Variants in CRKL observed in about 807,000 individuals in gnomAD.
CRKL encodes CRK like proto-oncogene, adaptor protein.
CRKL carries 3 observed loss-of-function variants against 23.0 expected under a neutral mutation model. The observed-to-expected ratio is 0.13, with a 90% CI of 0.06 to 0.34. The LOEUF is 0.34. CRKL is among the 10% of genes least tolerant of loss of function. The pLI is 1.00. For missense variants in CRKL, 256 were observed against 394.5 expected (o/e 0.65, Z 2.97); for synonymous variants, 188 against 160.7 (o/e 1.17, Z -1.28).
At chr22:20,922,556 G>A (rs1017912057) in intron 1 of CRKL, among the ~76,000 whole-genome samples, 2 of 152,148 alleles carry the variant, frequency 1.3e-5, no homozygotes, top group African/African-American at 2.4e-5. Flanking sequence ...TGATTTGCTG[G>A]TGGGTGGGGA....
rs555786588 is a variant in CRKL at position 20,920,443 on chromosome 22, A to C, written c.311+2198A>C. ...CTCGAACCCGGGAGGCGGAGGTTGC[A>C]GTGAGCCGAGATCGCGCCACTGCAC... is the stretch of plus-strand genomic sequence containing the variant. On this transcript the variant is annotated intron_variant, in intron 1 of 2. Transcript: ENST00000354336. Among the ~76,000 whole-genome samples, 11 of 151,998 alleles carry C rather than the reference A, an allele frequency of 7.2e-5. No homozygotes were observed. In the East Asian group the frequency reaches 2.1e-3, roughly 29 times the overall value.
intron 2 of CRKL, among the ~76,000 whole-genome samples, chr22:20,934,563 G>C (rs1472566780): frequency 6.6e-6 from 1 of 151,866 alleles, no homozygotes; most frequent in Non-Finnish European, 1.5e-5. Context: ...AGCTTGTTTT[G>C]TTCTGTCCTA....
At chr22:20,932,742 A>C (rs557619024) in intron 1 of CRKL, among the ~76,000 whole-genome samples, 3 of 152,210 alleles carry the variant, frequency 2.0e-5, no homozygotes, top group Non-Finnish European at 2.9e-5. Context: ...GACTACAAAA[A>C]TTACAACATG....
At chr22:20,926,696 AAG>A (rs1360418568) in intron 1 of CRKL, among the ~76,000 whole-genome samples, 2 of 152,062 alleles carry the variant, frequency 1.3e-5, no homozygotes, top group African/African-American at 2.4e-5. Flanking sequence ...TAAGTAGAGA[AAG>A]AGAAGCTGCG....
intron 1 of CRKL, among the ~76,000 whole-genome samples, chr22:20,929,556 C>T (rs764575780): frequency 2.6e-5 from 4 of 152,046 alleles, no homozygotes; most frequent in Admixed American, 2.0e-4. Context: ...CTCCGCCTCC[C>T]GGGTTCAAGC....
chr22:20,934,369 A>G (rs1357429716), intron 2 of CRKL, 125 bp downstream of exon 2: 12 of 854,372 alleles, frequency 1.4e-5, no homozygotes, highest in East Asian at 2.7e-5. Context: ...ATTTTGGAAG[A>G]TACGCACTGT....
At chr22:20,928,812 C>CAAAAAA (rs57896414) in intron 1 of CRKL, among the ~76,000 whole-genome samples, 2 of 81,564 alleles carry the variant, frequency 2.5e-5, no homozygotes, top group African/African-American at 4.8e-5. Context: ...GATCCCATCT[C>CAAAAAA]AAAAAAAAAA....
chr22:20,925,154 C>T (rs1445684955), intron 1 of CRKL, among the ~76,000 whole-genome samples: 1 of 143,174 alleles, frequency 7.0e-6, no homozygotes, highest in Non-Finnish European at 1.5e-5. Flanking sequence ...CACCACTGCA[C>T]TCCAGCCTGC....
At chr22:20,939,454 G>A (rs996063570) in intron 2 of CRKL, among the ~76,000 whole-genome samples, 2 of 151,764 alleles carry the variant, frequency 1.3e-5, no homozygotes, top group African/African-American at 4.8e-5. Flanking sequence ...CACCGTGTTA[G>A]CCAGGATGGT....
chr22:20,940,364 G>A (rs1489852399), intron 2 of CRKL, among the ~76,000 whole-genome samples: 1 of 151,932 alleles, frequency 6.6e-6, no homozygotes, highest in Non-Finnish European at 1.5e-5. Context: ...TTTTGTCTGG[G>A]TTTCATTTCA....
At chr22:20,937,438 C>G (rs1921706002) in intron 2 of CRKL, among the ~76,000 whole-genome samples, 1 of 148,344 alleles carries the variant, frequency 6.7e-6, no homozygotes, top group Admixed American at 6.9e-5. Context: ...ACCTCTGGCT[C>G]TAGGATGTGT....
intron 1 of CRKL, among the ~76,000 whole-genome samples, chr22:20,932,982 A>C (rs1018754201): frequency 6.6e-6 from 1 of 152,118 alleles, no homozygotes; most frequent in Non-Finnish European, 1.5e-5. Context: ...CGGGAGGCTG[A>C]GGCAGAAAAA....
At chr22:20,937,862 TTATA>T (rs1921719686) in intron 2 of CRKL, among the ~76,000 whole-genome samples, 2 of 152,192 alleles carry the variant, frequency 1.3e-5, no homozygotes, top group Admixed American at 1.3e-4. Flanking sequence ...AAACTTTAGG[TTATA>T]GCATAAGTAA....
chr22:20,935,949 G>GT (rs2147907648), intron 2 of CRKL, among the ~76,000 whole-genome samples: 1 of 152,014 alleles, frequency 6.6e-6, no homozygotes, highest in East Asian at 1.9e-4. Context: ...GAGGTCTGGA[G>GT]TTTGAGACCA....
At chr22:20,945,025 G>A (rs1009750631) in intron 2 of CRKL, among the ~76,000 whole-genome samples, 8 of 151,152 alleles carry the variant, frequency 5.3e-5, no homozygotes, top group East Asian at 2.0e-4. Flanking sequence ...ATGGAGTTTC[G>A]CTCTATCACC....
At chr22:20,920,457 G>A (rs1473385717) in intron 1 of CRKL, among the ~76,000 whole-genome samples, 5 of 151,714 alleles carry the variant, frequency 3.3e-5, no homozygotes, top group South Asian at 2.1e-4. Context: ...AGCCGAGATC[G>A]CGCCACTGCA....
chr22:20,948,349 G>A (rs779256922), intron 2 of CRKL, among the ~76,000 whole-genome samples: 1 of 151,580 alleles, frequency 6.6e-6, no homozygotes, highest in Non-Finnish European at 1.5e-5. Context: ...TGACAAGGTT[G>A]GAAATCCTCT....
intron 1 of CRKL, among the ~76,000 whole-genome samples, chr22:20,922,537 A>T (rs952458260): frequency 6.6e-6 from 1 of 152,102 alleles, no homozygotes; most frequent in South Asian, 2.1e-4. Context: ...CCTATTTTGG[A>T]GATAAAATTG....
At chr22:20,927,516 T>C (rs1040584314) in intron 1 of CRKL, among the ~76,000 whole-genome samples, 1 of 150,098 alleles carries the variant, frequency 6.7e-6, no homozygotes, top group Non-Finnish European at 1.5e-5. Context: ...TTTCTACCTT[T>C]TTTTTTTTTT....
Sources: allele counts gnomAD v4.1 joint callset (sites outside exome capture counted in the v4.1 genomes callset), GRCh38; gene constraint gnomAD v4.1.1; transcripts MANE v1.5; gene names NCBI Gene and HGNC (gene_info 2026-07-23, HGNC 2026-07-21).